The following NDST4 variants were observed in gnomAD, a reference collection of about 807,000 sequenced individuals.
The protein encoded by NDST4 is N-heparan sulfate sulfotransferase 4.
NDST4 carries 63 observed loss-of-function variants against 100.8 expected under a neutral mutation model. That is an observed-to-expected ratio of 0.62 (90% CI 0.51 to 0.77). The LOEUF is 0.77. Ranked by LOEUF, NDST4 falls within the 30% of genes least tolerant of loss-of-function variation. The pLI is 0.00. For synonymous variants in NDST4, 377 were observed against 361.8 expected, an observed-to-expected ratio of 1.04 and a Z score of -0.48; for missense variants, 943 against 1,018.4, an observed-to-expected ratio of 0.93 and a Z score of 1.01.
rs568722593 is a variant in NDST4, at chr4:115,078,729, T to C, written c.-246-1447A>G. Among the ~76,000 whole-genome samples, 86 of 151,966 alleles carry C rather than the reference T, an allele frequency of 5.7e-4. 2 individuals are homozygous for C. In the South Asian group the frequency reaches 0.017, roughly 31 times the overall value. On this transcript the variant is annotated intron_variant, in intron 1 of 13. Transcript: ENST00000264363. ...GGTGGTGGGTGCCTGTAATCCCAAC[T>C]ACTCAGGAGGCTGAGACAGAGAATT...
intron 2 of NDST4, among the ~76,000 whole-genome samples, chr4:114,981,997 G>T (rs1473207193): frequency 3.3e-5 from 5 of 152,192 alleles, no homozygotes; most frequent in East Asian, 1.9e-4. Flanking sequence ...ACGAGATCTG[G>T]TTGTTTCAAA....
intron 6 of NDST4, among the ~76,000 whole-genome samples, chr4:114,877,087 C>CACACAT (rs367579960): frequency 0.069 from 10,441 of 151,572 alleles, 429 homozygotes; most frequent in East Asian, 0.12. Flanking sequence ...CACACACACA[C>CACACAT]GCGTGCACGC....
At chr4:115,102,294 A>G (rs569791527) in intron 1 of NDST4, among the ~76,000 whole-genome samples, 2 of 152,256 alleles carry the variant, frequency 1.3e-5, no homozygotes, top group South Asian at 4.1e-4. Flanking sequence ...AAACTATAAG[A>G]TACAGAGACA....
chr4:114,875,732 A>G (rs1724241563), intron 6 of NDST4, among the ~76,000 whole-genome samples: 1 of 152,184 alleles, frequency 6.6e-6, no homozygotes, highest in Non-Finnish European at 1.5e-5. Context: ...ATAAGAAGAG[A>G]AGAAAAAAGG....
intron 4 of NDST4, among the ~76,000 whole-genome samples, chr4:114,961,428 A>T (rs533547198): frequency 6.6e-6 from 1 of 152,072 alleles, no homozygotes; most frequent in East Asian, 1.9e-4. Flanking sequence ...ATTTGACATG[A>T]TCAACTAAAT....
chr4:115,023,105 G>A (rs887654532), intron 2 of NDST4, among the ~76,000 whole-genome samples: 2 of 152,106 alleles, frequency 1.3e-5, no homozygotes, highest in Non-Finnish European at 2.9e-5. Context: ...TGGGAAGGGG[G>A]TGAGGGCTAA....
intron 1 of NDST4, among the ~76,000 whole-genome samples, chr4:115,102,690 A>G (rs28587893): frequency 0.18 from 24,396 of 137,526 alleles, 2,447 homozygotes; most frequent in East Asian, 0.43. Context: ...TATATACCAT[A>G]TACTTCTGAC....
rs150122789 is a variant in NDST4, at chr4:115,071,851, A to G, written c.978+4208T>C. Among the ~76,000 whole-genome samples, 562 of 152,194 alleles carry G rather than the reference A, an allele frequency of 3.7e-3. 3 individuals carry two copies. Among genetic ancestry groups the G allele is most frequent in the South Asian group, 4.6e-3 (22 of 4,824 alleles). ...CCAAAAAATAAAGTCAAAAAGCAAA[A>G]ACTGTGACTAGAATATTTTTTCTAT... On this transcript the variant is annotated intron_variant, in intron 2 of 13. Transcript: ENST00000264363.
chr4:114,904,125 G>A (rs1001659854), intron 6 of NDST4, among the ~76,000 whole-genome samples: 3 of 151,934 alleles, frequency 2.0e-5, no homozygotes, highest in African/African-American at 7.2e-5. Flanking sequence ...GTATGAAAGT[G>A]ATCTCTCAAT....
At chr4:114,956,462 T>G (rs1028695908) in intron 4 of NDST4, among the ~76,000 whole-genome samples, 1 of 152,166 alleles carries the variant, frequency 6.6e-6, no homozygotes, top group Non-Finnish European at 1.5e-5. Flanking sequence ...AAGTGAATCA[T>G]TGACTAAATA....
intron 6 of NDST4, among the ~76,000 whole-genome samples, chr4:114,900,676 A>C (rs1724817740): frequency 6.6e-6 from 1 of 152,184 alleles, no homozygotes; most frequent in South Asian, 2.1e-4. Flanking sequence ...AGACCATATA[A>C]GTTTGTGAAG....
At chr4:115,067,588 G>T (rs1330556366) in intron 2 of NDST4, among the ~76,000 whole-genome samples, 1 of 151,058 alleles carries the variant, frequency 6.6e-6, no homozygotes, top group African/African-American at 2.4e-5. Flanking sequence ...TTTATAATAG[G>T]TTTCTTCTTT....
chr4:114,911,000 A>G (rs1725050522), intron 6 of NDST4, among the ~76,000 whole-genome samples: 1 of 152,160 alleles, frequency 6.6e-6, no homozygotes, highest in Non-Finnish European at 1.5e-5. Context: ...TCTTTGTTCT[A>G]CACTTGCTGA....
intron 2 of NDST4, among the ~76,000 whole-genome samples, chr4:115,012,500 TA>T (rs754304934): frequency 6.6e-6 from 1 of 152,036 alleles, no homozygotes; most frequent in African/African-American, 2.4e-5. Flanking sequence ...GGAATTTACT[TA>T]CCCAAATTAA....
chr4:115,098,675 T>C (rs144218514), intron 1 of NDST4, among the ~76,000 whole-genome samples: 22 of 152,104 alleles, frequency 1.4e-4, no homozygotes, highest in African/African-American at 5.3e-4. Flanking sequence ...CTCACAAAAA[T>C]ATTGTCGATT....
intron 7 of NDST4, among the ~76,000 whole-genome samples, chr4:114,867,521 A>G (rs1192091210): frequency 6.6e-6 from 1 of 151,938 alleles, no homozygotes; most frequent in African/African-American, 2.4e-5. Context: ...GGAGTGACTG[A>G]GTGAAGACTG....
chr4:114,870,367 C>G (rs1724121791), intron 7 of NDST4, among the ~76,000 whole-genome samples: 1 of 152,078 alleles, frequency 6.6e-6, no homozygotes, highest in South Asian at 2.1e-4. Context: ...ATATACATAT[C>G]AAAGTCTAAT....
intron 4 of NDST4, among the ~76,000 whole-genome samples, chr4:114,959,571 T>A (rs1225473243): frequency 2.0e-5 from 3 of 152,096 alleles, no homozygotes; most frequent in Middle Eastern, 3.4e-3. Flanking sequence ...TTCAATTACC[T>A]CCCACCAGGA....
At chr4:114,861,668 C>T (rs1335102954) in intron 7 of NDST4, among the ~76,000 whole-genome samples, 1 of 152,056 alleles carries the variant, frequency 6.6e-6, no homozygotes, top group African/African-American at 2.4e-5. Flanking sequence ...AGAGAAATAG[C>T]TTGGAGTATC....
Sources: allele counts gnomAD v4.1 joint callset (sites outside exome capture counted in the v4.1 genomes callset), GRCh38; gene constraint gnomAD v4.1.1; transcripts MANE v1.5; gene names NCBI Gene and HGNC (gene_info 2026-07-23, HGNC 2026-07-21).